The following NEDD9 variants were observed in gnomAD, a reference collection of about 807,000 sequenced individuals.
The protein encoded by NEDD9 is neural precursor cell expressed, developmentally down-regulated 9, also known as enhancer of filamentation 1.
In NEDD9, 26 loss-of-function variants were observed where a neutral mutation model predicts 76.6. The observed-to-expected ratio is 0.34, with a 90% CI of 0.25 to 0.47. The LOEUF is 0.47. Ranked by LOEUF, NEDD9 falls within the 20% of genes least tolerant of loss-of-function variation. The probability of loss-of-function intolerance (pLI) is 1.00; values close to 1 mark genes in which losing one functional copy is unlikely to be tolerated. For missense variants in NEDD9, 937 were observed against 1,058.5 expected, an observed-to-expected ratio of 0.89 and a Z score of 1.59; for synonymous variants, 392 against 414.2, an observed-to-expected ratio of 0.95 and a Z score of 0.65.
intron 2 of NEDD9, among the ~76,000 whole-genome samples, chr6:11,313,949 A>G (rs2113447862): frequency 6.6e-6 from 1 of 152,314 alleles, no homozygotes. Flanking sequence ...TACAAGTTAA[A>G]ACATATGGAT....
rs1215536464 is a variant in NEDD9, at chr6:11,190,096, A to G, written c.1773T>C (p.Pro591=). 1.9e-6 allele frequency: 3 copies of G among 1,609,916 alleles called. No homozygotes were observed. The African/African-American group carries it at 4.0e-5, about 21-fold the overall frequency. The change falls in exon 5 of 7, where the codon CCT becomes CCC. Residue 591 remains proline, a synonymous_variant. Transcript: ENST00000379446. This position sits in a 1 kb window ranked among gnomAD's most constrained non-coding sequence, Gnocchi z 5.8. Reference sequence around the variant, plus strand: ...TGTGGGCCTGGGCCTTGTGGTCACCAGGATGCAGCAGCTGTCCCTGGGAGC... The same window carrying G: ...TGTGGGCCTGGGCCTTGTGGTCACCGGGATGCAGCAGCTGTCCCTGGGAGC... ...HGGSQGQLLH[P]GDHKAQAHNK...
intron 2 of NEDD9, among the ~76,000 whole-genome samples, chr6:11,323,495 G>A (rs1425008381): frequency 6.6e-6 from 1 of 152,244 alleles, no homozygotes; most frequent in Non-Finnish European, 1.5e-5. Context: ...CCCACAGGGA[G>A]CATCTAGCAA....
rs116880718 is a variant in NEDD9 at position 11,276,845 on chromosome 6, G to A, written c.12+29147C>T. 8.1e-4 allele frequency among the ~76,000 whole-genome samples: 123 copies of A among 152,120 alleles called. 1 individual carries two copies. The East Asian group carries it at 0.023, about 29-fold the overall frequency. ...ATAATGCATATGTGATGGGAAAGAGGGATTCAAAGGAATTTGGAAGGAACA... is the reference window on the plus strand; with the variant it reads ...ATAATGCATATGTGATGGGAAAGAGAGATTCAAAGGAATTTGGAAGGAACA... On this transcript the variant is annotated intron_variant, in intron 3 of 3. Coordinates refer to the NEDD9 transcript ENST00000397378.
chr6:11,366,071 G>T (rs368754717), intron 1 of NEDD9, among the ~76,000 whole-genome samples: 2 of 152,142 alleles, frequency 1.3e-5, no homozygotes, highest in African/African-American at 4.8e-5. Context: ...AGATCATGAG[G>T]TCAGGAGTTT....
chr6:11,358,698 C>T (rs1762626555), intron 1 of NEDD9, among the ~76,000 whole-genome samples: 1 of 152,100 alleles, frequency 6.6e-6, no homozygotes. Flanking sequence ...TAATAATTGC[C>T]TCTTGATTTA....
intron 2 of NEDD9, among the ~76,000 whole-genome samples, chr6:11,326,274 G>A (rs987662733): frequency 2.6e-5 from 4 of 152,158 alleles, no homozygotes; most frequent in African/African-American, 9.7e-5. Context: ...AAGCAACACA[G>A]GAATAAAGCA....
intron 3 of NEDD9, among the ~76,000 whole-genome samples, chr6:11,301,759 A>T (rs991267980): frequency 3.3e-5 from 5 of 152,256 alleles, no homozygotes; most frequent in African/African-American, 1.2e-4. Context: ...ATGCTCCTGA[A>T]TGACTACTGG....
chr6:11,316,032 G>C (rs1437750678), intron 2 of NEDD9, among the ~76,000 whole-genome samples: 1 of 152,168 alleles, frequency 6.6e-6, no homozygotes, highest in Non-Finnish European at 1.5e-5. Context: ...TCTTTCTCTG[G>C]TCTTTGCCAG....
intron 3 of NEDD9, among the ~76,000 whole-genome samples, chr6:11,260,423 C>T (rs1760085278): frequency 6.6e-6 from 1 of 152,180 alleles, no homozygotes; most frequent in Non-Finnish European, 1.5e-5. Flanking sequence ...GAAAATTAAT[C>T]ATTCTGAGTC....
chr6:11,274,434 T>C (rs75150987), intron 3 of NEDD9, among the ~76,000 whole-genome samples: 1,919 of 152,324 alleles, frequency 0.013, 38 homozygotes, highest in African/African-American at 0.042. Context: ...AGGCTGTGAA[T>C]GCTGTAGATC....
intron 1 of NEDD9, among the ~76,000 whole-genome samples, chr6:11,337,149 C>T (rs1015301851): frequency 1.3e-5 from 2 of 152,088 alleles, no homozygotes; most frequent in African/African-American, 2.4e-5. Flanking sequence ...ACCCAGGAGG[C>T]GGAGGTTGCA....
intron 2 of NEDD9, among the ~76,000 whole-genome samples, chr6:11,312,774 G>A (rs1486175835): frequency 1.3e-5 from 2 of 150,854 alleles, no homozygotes; most frequent in East Asian, 1.9e-4. Flanking sequence ...TAACCCAGTG[G>A]GGTGGGGAAA....
In NEDD9 at chr6:11,378,699, C is replaced by T. The variant is rs537937395; in HGVS notation, c.-214+3440G>A. Among the ~76,000 whole-genome samples, 3 of 152,002 alleles carry T rather than the reference C, an allele frequency of 2.0e-5. No homozygotes were observed. The East Asian group carries it at 5.8e-4, about 29-fold the overall frequency. Reference sequence around the variant, plus strand: ...AGCTAAATTTATCTAAATTATTCACCCTCATGTATCACTTTCCTTGGAAAG... The same window carrying T: ...AGCTAAATTTATCTAAATTATTCACTCTCATGTATCACTTTCCTTGGAAAG... On this transcript the variant is annotated intron_variant, in intron 1 of 3. Coordinates refer to the NEDD9 transcript ENST00000397378.
At chr6:11,287,426 T>TCAAAA (rs1031824702) in intron 3 of NEDD9, among the ~76,000 whole-genome samples, 2 of 151,776 alleles carry the variant, frequency 1.3e-5, no homozygotes, top group Non-Finnish European at 2.9e-5. Context: ...AGACTCCATC[T>TCAAAA]CAAAACAAAA....
intron 1 of NEDD9, among the ~76,000 whole-genome samples, chr6:11,359,938 C>T (rs1460694504): frequency 1.3e-5 from 2 of 152,204 alleles, no homozygotes; most frequent in African/African-American, 4.8e-5. Flanking sequence ...AAAAATAAAA[C>T]AAGGCATTAT....
chr6:11,351,451 G>A (rs548572037), intron 1 of NEDD9, among the ~76,000 whole-genome samples: 1 of 152,306 alleles, frequency 6.6e-6, no homozygotes, highest in East Asian at 1.9e-4. Flanking sequence ...AACAGCAAAA[G>A]CAGAAAGGCC....
At chr6:11,338,810 T>A (rs1398398875) in intron 1 of NEDD9, among the ~76,000 whole-genome samples, 2 of 151,318 alleles carry the variant, frequency 1.3e-5, no homozygotes, top group African/African-American at 4.9e-5. Context: ...TAATCCCAGC[T>A]ACTTGGGAGG....
At chr6:11,194,179 C>G (rs1758234100) in intron 2 of NEDD9, among the ~76,000 whole-genome samples, 1 of 152,046 alleles carries the variant, frequency 6.6e-6, no homozygotes, top group Non-Finnish European at 1.5e-5. Context: ...TTTTAAATCC[C>G]TCTTGAATCC....
rs767880483 is a variant in NEDD9, at chr6:11,192,385, A to C, written c.623T>G (p.Ile208Arg). The C allele has an allele frequency of 1.1e-5, 18 of 1,602,906 alleles. No homozygotes were observed. The highest frequency in any genetic ancestry group is 2.7e-5 in the African/African-American group (2 of 73,330). ...GPVFSVPVGE[I>R]KPQGVYDIPP... Reference sequence around the variant, plus strand: ...GATGTCATACACCCCTTGAGGTTTTATCTCTCCCACTGGAACTGAAAACAC... The same window carrying C: ...GATGTCATACACCCCTTGAGGTTTTCTCTCTCCCACTGGAACTGAAAACAC... The change falls in exon 4 of 7, where the codon ATA becomes AGA. Residue 208 changes from isoleucine to arginine, a missense_variant. By Grantham distance (97) the Ile-to-Arg change is moderately conservative (BLOSUM62 -3). Transcript: ENST00000379446.
Sources: allele counts gnomAD v4.1 joint callset (sites outside exome capture counted in the v4.1 genomes callset), GRCh38; gene constraint gnomAD v4.1.1; non-coding constraint Gnocchi (gnomAD v3.1); transcripts MANE v1.5; gene names NCBI Gene and HGNC (gene_info 2026-07-23, HGNC 2026-07-21).